The following ARL15 variants were observed in gnomAD, a reference collection of about 807,000 sequenced individuals.
ARL15 encodes ARF like GTPase 15.
A neutral mutation model predicts 25.2 loss-of-function variants in ARL15; 19 were observed. That is an observed-to-expected ratio of 0.75 (90% confidence interval 0.53 to 1.10). The LOEUF is 1.10. ARL15 is among the 50% of genes least tolerant of loss of function. ARL15 has a pLI of 0.00. For missense variants in ARL15, 220 were observed against 246.0 expected, an observed-to-expected ratio of 0.89 and a Z score of 0.71; for synonymous variants, 94 against 86.8, an observed-to-expected ratio of 1.08 and a Z score of -0.46.
At chr5:54,004,991 CTTTTTCT>C (rs1748976895) in intron 4 of ARL15, among the ~76,000 whole-genome samples, 1 of 151,520 alleles carries the variant, frequency 6.6e-6, no homozygotes, top group Non-Finnish European at 1.5e-5. Context: ...TGTGTGTTTT[CTTTTTCT>C]TTTTTCTTTT....
intron 4 of ARL15, among the ~76,000 whole-genome samples, chr5:54,037,214 G>C (rs1750194338): frequency 1.3e-5 from 2 of 151,930 alleles, no homozygotes; most frequent in African/African-American, 4.8e-5. Flanking sequence ...AAGCAAAGTT[G>C]TCTCCAAGTA....
chr5:54,050,032 A>G (rs1750658730), intron 4 of ARL15, among the ~76,000 whole-genome samples: 1 of 152,102 alleles, frequency 6.6e-6, no homozygotes, highest in Admixed American at 6.6e-5. Context: ...CCATCCTCCT[A>G]GCCATGTGCA....
chr5:54,225,636 A>G (rs1284761964), intron 1 of ARL15, among the ~76,000 whole-genome samples: 1 of 152,116 alleles, frequency 6.6e-6, no homozygotes, highest in Non-Finnish European at 1.5e-5. Context: ...AAAAGGAGGA[A>G]AGTCTGTGGA....
At chr5:54,105,545 C>T (rs898282758) in intron 4 of ARL15, among the ~76,000 whole-genome samples, 18 of 152,196 alleles carry the variant, frequency 1.2e-4, no homozygotes, top group Admixed American at 3.9e-4. Context: ...GTTTCACTTA[C>T]GTAATAAATG....
chr5:54,248,172 C>G (rs998974435), intron 1 of ARL15, among the ~76,000 whole-genome samples: 3 of 152,150 alleles, frequency 2.0e-5, no homozygotes, highest in Admixed American at 1.3e-4. Flanking sequence ...CTCCAACCCC[C>G]AGAGTGATGG....
chr5:53,981,405 T>C (rs528093303), intron 4 of ARL15, among the ~76,000 whole-genome samples: 1 of 151,990 alleles, frequency 6.6e-6, no homozygotes, highest in Middle Eastern at 3.4e-3. Flanking sequence ...CGAATAAGAG[T>C]GAGAAAGAGT....
chr5:54,259,353 G>C (rs765479144), intron 1 of ARL15, among the ~76,000 whole-genome samples: 3 of 152,114 alleles, frequency 2.0e-5, no homozygotes, highest in Non-Finnish European at 4.4e-5. Flanking sequence ...TCACACCAGA[G>C]AAATAGATAT....
At chr5:54,090,287 A>G (rs1343859618) in intron 4 of ARL15, among the ~76,000 whole-genome samples, 1 of 152,216 alleles carries the variant, frequency 6.6e-6, no homozygotes, top group Admixed American at 6.5e-5. Flanking sequence ...ATGAATCTCA[A>G]AATAATAATG....
At chr5:54,204,917 C>T (rs979372914) in intron 1 of ARL15, among the ~76,000 whole-genome samples, 4 of 141,244 alleles carry the variant, frequency 2.8e-5, no homozygotes, top group African/African-American at 7.9e-5. Context: ...ATCATCTTTG[C>T]TATCAATTCC....
intron 1 of ARL15, among the ~76,000 whole-genome samples, chr5:54,274,431 T>C (rs903903872): frequency 1.3e-5 from 2 of 152,172 alleles, no homozygotes; most frequent in African/African-American, 4.8e-5. Flanking sequence ...ATCAATCTTA[T>C]GTATTTCACA....
chr5:54,141,181 ACAGAT>A lies in ARL15; in HGVS notation c.253+13394_253+13398del, dbSNP rs752612227. ...ATTAACTGAGTGCTGCTGTACACAGACAGATCAATCTGTCTTCTCTTATTAGCACT... is the reference window on the plus strand; with the variant it reads ...ATTAACTGAGTGCTGCTGTACACAGACAATCTGTCTTCTCTTATTAGCACT... On this transcript the variant is annotated intron_variant, in intron 3 of 4. Transcript: ENST00000504924. Among the ~76,000 whole-genome samples the A allele has an allele frequency of 1.2e-4, 18 of 152,234 alleles. No individual in the cohort carries two copies. In the East Asian group the frequency reaches 2.1e-3, roughly 18 times the overall value.
At chr5:54,079,947 G>C (rs1183350168) in intron 4 of ARL15, among the ~76,000 whole-genome samples, 1 of 148,970 alleles carries the variant, frequency 6.7e-6, no homozygotes, top group Admixed American at 6.7e-5. Flanking sequence ...TCCAGCCTCG[G>C]TGACAAGAGT....
intron 4 of ARL15, among the ~76,000 whole-genome samples, chr5:53,948,432 A>G (rs982308403): frequency 6.6e-6 from 1 of 152,244 alleles, no homozygotes; most frequent in African/African-American, 2.4e-5. Context: ...TCTATTTTGA[A>G]GTGTTATAAA....
intron 4 of ARL15, among the ~76,000 whole-genome samples, chr5:54,097,222 C>A (rs552536724): frequency 6.6e-6 from 1 of 152,270 alleles, no homozygotes; most frequent in South Asian, 2.1e-4. Flanking sequence ...GAGGCTGAGG[C>A]AGGAGAATCG....
At chr5:53,988,665 C>T (rs1201754022) in intron 4 of ARL15, among the ~76,000 whole-genome samples, 1 of 152,116 alleles carries the variant, frequency 6.6e-6, no homozygotes, top group African/African-American at 2.4e-5. Context: ...TTACAGCATA[C>T]TGTTTATCTG....
At chr5:54,129,803 T>C (rs1753377885) in intron 3 of ARL15, among the ~76,000 whole-genome samples, 1 of 152,250 alleles carries the variant, frequency 6.6e-6, no homozygotes, top group South Asian at 2.1e-4. Flanking sequence ...CCGTTAATAT[T>C]ACATACTTTC....
intron 4 of ARL15, among the ~76,000 whole-genome samples, chr5:53,910,495 G>T (rs1429800004): frequency 1.3e-5 from 2 of 151,788 alleles, no homozygotes; most frequent in South Asian, 2.1e-4. Context: ...GTCTTCTATA[G>T]AAAACATCTT....
chr5:53,962,087 G>C (rs2112152838), intron 4 of ARL15, among the ~76,000 whole-genome samples: 1 of 152,132 alleles, frequency 6.6e-6, no homozygotes, highest in African/African-American at 2.4e-5. Context: ...ATATTCTTAG[G>C]GGAAACTACT....
chr5:54,114,319 G>C (rs1015624964), intron 3 of ARL15, among the ~76,000 whole-genome samples: 52 of 150,098 alleles, frequency 3.5e-4, no homozygotes, highest in Non-Finnish European at 3.5e-4. Context: ...CAGGAGGATC[G>C]CTTGAACCCG....
Sources: allele counts gnomAD v4.1 joint callset (sites outside exome capture counted in the v4.1 genomes callset), GRCh38; gene constraint gnomAD v4.1.1; transcripts MANE v1.5; gene names NCBI Gene and HGNC (gene_info 2026-07-23, HGNC 2026-07-21).